The following BICDL1 variants were observed in gnomAD, a reference collection of about 807,000 sequenced individuals.
The protein encoded by BICDL1 is BICD family like cargo adaptor 1.
Under a neutral mutation model 76.8 loss-of-function variants are expected in BICDL1, and 20 were observed. The ratio of observed to expected loss-of-function variants is 0.26; its 90% CI spans 0.18 to 0.38. The LOEUF (loss-of-function observed/expected upper bound fraction) is 0.38. BICDL1 is among the 10% of genes least tolerant of loss of function. The pLI, the probability that BICDL1 is intolerant of heterozygous loss-of-function variation, is 1.00. For missense variants in BICDL1, 700 were observed against 798.6 expected (o/e 0.88, Z 1.49); for synonymous variants, 383 against 337.1 (o/e 1.14, Z -1.49).
At chr12:120,006,039 C>T (rs946591965) in intron 2 of BICDL1, among the ~76,000 whole-genome samples, 24 of 152,214 alleles carry the variant, frequency 1.6e-4, no homozygotes, top group African/African-American at 5.8e-4. Context: ...TATCTACCTT[C>T]ATCAAGAGTG....
intron 9 of BICDL1, chr12:120,091,148 GC>G: frequency 8.2e-7 from 1 of 1,217,872 alleles, no homozygotes; most frequent in Non-Finnish European, 1.0e-6. Context: ...AGTGTGACAT[GC>G]CCTCAAGTCC....
chr12:120,070,135 A>G (rs1457371883), intron 4 of BICDL1, among the ~76,000 whole-genome samples: 1 of 152,200 alleles, frequency 6.6e-6, no homozygotes, highest in Admixed American at 6.5e-5. Flanking sequence ...TGTTGGGTCT[A>G]CAGCTAAAAG....
chr12:120,046,611 A>G (rs143431087), intron 2 of BICDL1, among the ~76,000 whole-genome samples: 2 of 152,324 alleles, frequency 1.3e-5, no homozygotes, highest in East Asian at 3.9e-4. Flanking sequence ...AGAAGAGACT[A>G]TGTTATTTTT....
chr12:120,070,396 A>T (rs2138938380), intron 4 of BICDL1, among the ~76,000 whole-genome samples: 1 of 152,304 alleles, frequency 6.6e-6, no homozygotes, highest in East Asian at 1.9e-4. Context: ...CAGTGTAATG[A>T]AGCCCAGCCC....
intron 2 of BICDL1, chr12:120,000,581 A>G (rs566128889): frequency 1.3e-5 from 2 of 152,356 alleles, no homozygotes; most frequent in African/African-American, 4.8e-5. Flanking sequence ...GCAACAAACC[A>G]GAAAAATTAA....
rs1360928825 is a variant in BICDL1 at position 119,989,380 on chromosome 12, CCGGCAA to C, written c.-487_-482del. 1.1e-4 allele frequency among the ~76,000 whole-genome samples: 16 copies of C among 150,910 alleles called. No homozygotes were observed. Among genetic ancestry groups the C allele is most frequent in the Non-Finnish European group, 1.8e-4 (12 of 67,622 alleles). On this transcript the variant is annotated 5_prime_UTR_variant, in exon 1 of 10. Transcript: ENST00000548673. ...GGAGTGCGGCTGCAGAGAGCGGCCG[CCGGCAA>C]CAGCAGCAGCAGCAGGAAGCGTCGC...
chr12:120,050,564 G>A (rs757367785), intron 2 of BICDL1, among the ~76,000 whole-genome samples: 19 of 152,008 alleles, frequency 1.2e-4, no homozygotes, highest in Non-Finnish European at 2.4e-4. Context: ...ACCACGCCTG[G>A]CCTAGATCTG....
At chr12:120,091,730 C>A in intron 9 of BICDL1, 1 of 985,386 alleles carries the variant, frequency 1.0e-6, no homozygotes, top group Non-Finnish European at 1.2e-6. Flanking sequence ...CACGATGACT[C>A]AGGAAGGCCC....
intron 4 of BICDL1, among the ~76,000 whole-genome samples, chr12:120,067,876 G>T (rs1225468784): frequency 6.6e-6 from 1 of 152,126 alleles, no homozygotes; most frequent in Non-Finnish European, 1.5e-5. Context: ...TTTTCTTTCT[G>T]AGTCTCCTCA....
rs1286266087 is a variant in BICDL1 at position 119,989,979 on chromosome 12, C to G, written c.111C>G (p.Pro37=). ...CGGCCGGGGACGCAGTCCGGAGTCC[C>G]GCCGCCGCCGCCGCCCTCATCTTCC... ...PAAAGDAVRS[P]AAAAALIFPG... Residue 37 remains proline (P), a synonymous_variant, in exon 1 of 10, where the codon CCC becomes CCG. Coordinates refer to ENST00000548673, the MANE Select transcript of BICDL1 (RefSeq NM_001367886.1). 2.5e-5 allele frequency: 35 copies of G among 1,400,482 alleles called. No homozygotes were observed. Among genetic ancestry groups the G allele is most frequent in the Non-Finnish European group, 3.3e-5 (35 of 1,074,706 alleles). 86.8% of individuals were successfully genotyped at this position (1,400,482 alleles called of 1,614,324 possible).
chr12:120,005,076 G>A (rs1951826456), intron 2 of BICDL1, among the ~76,000 whole-genome samples: 2 of 152,012 alleles, frequency 1.3e-5, no homozygotes, highest in Non-Finnish European at 1.5e-5. Context: ...TGCCCACCTC[G>A]GCCTCGAAAA....
intron 2 of BICDL1, among the ~76,000 whole-genome samples, chr12:120,027,516 T>C (rs537532222): frequency 1.3e-5 from 2 of 152,300 alleles, no homozygotes; most frequent in South Asian, 4.1e-4. Flanking sequence ...TAGGTGTTGT[T>C]ATCCCGGTTT....
At chr12:120,009,982 C>T (rs1439842858) in intron 2 of BICDL1, among the ~76,000 whole-genome samples, 2 of 152,160 alleles carry the variant, frequency 1.3e-5, no homozygotes, top group Non-Finnish European at 2.9e-5. Flanking sequence ...GTTTGCTCTT[C>T]AGGGATTCTG....
intron 8 of BICDL1, among the ~76,000 whole-genome samples, chr12:120,084,096 A>G (rs1317302527): frequency 2.6e-5 from 4 of 151,852 alleles, no homozygotes; most frequent in Non-Finnish European, 4.4e-5. Context: ...TCCGCCTCCC[A>G]GGTTCAAGCG....
rs188768315 is a variant in BICDL1, at chr12:120,002,878, G to A, written c.645+4142G>A. ...CCTTAGAAAGACTCGGTAGGGGGCC[G>A]GGTCATGGTGGCTCACGCCTGTAAT... On this transcript the variant is annotated intron_variant, in intron 2 of 9. Coordinates refer to ENST00000548673, the MANE Select transcript of BICDL1 (RefSeq NM_001367886.1). Among the ~76,000 whole-genome samples the A allele has an allele frequency of 1.4e-4, 22 of 152,180 alleles. No individual in the cohort carries two copies. The East Asian group carries it at 3.7e-3, about 25-fold the overall frequency.
intron 2 of BICDL1, among the ~76,000 whole-genome samples, chr12:120,016,087 A>G (rs1163169685): frequency 2.0e-5 from 3 of 152,164 alleles, no homozygotes; most frequent in African/African-American, 7.2e-5. Flanking sequence ...CCCCAGGAAA[A>G]CACTGATCTG....
intron 2 of BICDL1, among the ~76,000 whole-genome samples, chr12:120,048,229 G>A (rs184832094): frequency 6.6e-6 from 1 of 151,942 alleles, no homozygotes; most frequent in Non-Finnish European, 1.5e-5. Flanking sequence ...CGCTCAGGCT[G>A]GAGTACAGAA....
chr12:120,045,019 C>T (rs1399790983), intron 2 of BICDL1, among the ~76,000 whole-genome samples: 2 of 152,076 alleles, frequency 1.3e-5, no homozygotes, highest in African/African-American at 2.4e-5. Context: ...TCGCAACCTA[C>T]TCATCTGACA....
At chr12:120,091,447 G>A (rs558395958) in intron 9 of BICDL1, 39 of 1,001,416 alleles carry the variant, frequency 3.9e-5, no homozygotes, top group Non-Finnish European at 4.4e-5. Context: ...TGGATTTAGC[G>A]TAGATTTTAC....
Sources: allele counts gnomAD v4.1 joint callset (sites outside exome capture counted in the v4.1 genomes callset), GRCh38; gene constraint gnomAD v4.1.1; transcripts MANE v1.5; gene names NCBI Gene and HGNC (gene_info 2026-07-23, HGNC 2026-07-21).